Variants in DLG2 observed in about 807,000 individuals in gnomAD.
DLG2 encodes disks large homolog 2.
In DLG2, 45 loss-of-function variants were observed where a neutral mutation model predicts 132.5. The observed-to-expected ratio is 0.34, with a 90% CI of 0.27 to 0.44. DLG2 has a LOEUF of 0.44. DLG2 is among the 20% of genes least tolerant of loss of function. DLG2 has a pLI of 1.00. For synonymous variants in DLG2, 424 were observed against 419.6 expected (o/e 1.01, Z -0.13); for missense variants, 1,045 against 1,196.9 (o/e 0.87, Z 1.87).
chr11:85,342,955 T>A (rs989032221), intron 3 of DLG2, among the ~76,000 whole-genome samples: 1 of 152,222 alleles, frequency 6.6e-6, no homozygotes, highest in African/African-American at 2.4e-5. Context: ...TGCACTTTTT[T>A]TATCTACTAT....
intron 3 of DLG2, among the ~76,000 whole-genome samples, chr11:85,311,542 C>T (rs1356306919): frequency 6.6e-6 from 1 of 152,180 alleles, no homozygotes; most frequent in East Asian, 1.9e-4. Flanking sequence ...ATCCCCTTTA[C>T]ATGATAATCT....
intron 7 of DLG2, among the ~76,000 whole-genome samples, chr11:84,334,204 A>C (rs2098473701): frequency 6.6e-6 from 1 of 152,236 alleles, no homozygotes; most frequent in Admixed American, 6.5e-5. Flanking sequence ...AATCAAATGC[A>C]GTCAGGATAA....
intron 11 of DLG2, among the ~76,000 whole-genome samples, chr11:84,040,066 T>C (rs1418859921): frequency 6.6e-6 from 1 of 151,834 alleles, no homozygotes; most frequent in Non-Finnish European, 1.5e-5. Context: ...TTGATAGGGT[T>C]GTTTGTTTTT....
chr11:83,765,823 C>T (rs536337894), intron 18 of DLG2, among the ~76,000 whole-genome samples: 7 of 152,044 alleles, frequency 4.6e-5, no homozygotes, highest in African/African-American at 1.4e-4. Context: ...CCTTTGTGCA[C>T]CAATGGAAAG....
At chr11:85,537,517 A>AATGAATTGTTATGCTTTT (rs1243570053) in intron 3 of DLG2, among the ~76,000 whole-genome samples, 1 of 150,838 alleles carries the variant, frequency 6.6e-6, no homozygotes, top group African/African-American at 2.5e-5. Flanking sequence ...GGGATGAACA[A>AATGAATTGTTATGCTTTT]CTCCAGACGG....
chr11:84,650,873 GTATATATA>G (rs71274437), intron 6 of DLG2, among the ~76,000 whole-genome samples: 77 of 123,990 alleles, frequency 6.2e-4, no homozygotes, highest in African/African-American at 2.3e-3. Flanking sequence ...GTGTGTGTGT[GTATATATA>G]TATATATATA....
intron 5 of DLG2, among the ~76,000 whole-genome samples, chr11:85,117,154 C>T (rs191360314): frequency 1.2e-4 from 18 of 151,996 alleles, no homozygotes; most frequent in African/African-American, 2.4e-4. Context: ...CAAGACAACC[C>T]TCCATATAGG....
intron 4 of DLG2, among the ~76,000 whole-genome samples, chr11:85,162,277 A>T (rs1378342190): frequency 1.3e-5 from 2 of 152,188 alleles, no homozygotes; most frequent in Non-Finnish European, 2.9e-5. Context: ...CCTGTGATTA[A>T]GGTCAATGGG....
intron 7 of DLG2, among the ~76,000 whole-genome samples, chr11:84,351,295 C>T (rs955248701): frequency 6.6e-6 from 1 of 152,006 alleles, no homozygotes; most frequent in Non-Finnish European, 1.5e-5. Flanking sequence ...GCTCCCCTGA[C>T]TTCATCTGTT....
chr11:84,223,143 G>C (rs1307421578), intron 8 of DLG2, among the ~76,000 whole-genome samples: 1 of 152,134 alleles, frequency 6.6e-6, no homozygotes, highest in African/African-American at 2.4e-5. Flanking sequence ...ATTCAATACT[G>C]AGATGGGATG....
At chr11:85,200,496 T>C (rs1416612505) in intron 4 of DLG2, among the ~76,000 whole-genome samples, 1 of 152,190 alleles carries the variant, frequency 6.6e-6, no homozygotes, top group African/African-American at 2.4e-5. Flanking sequence ...ACCTCCATCC[T>C]ACAGCGGTTC....
At chr11:85,140,597 T>G (rs1227800121) in intron 5 of DLG2, among the ~76,000 whole-genome samples, 3 of 151,666 alleles carry the variant, frequency 2.0e-5, no homozygotes, top group Non-Finnish European at 4.4e-5. Flanking sequence ...CCAATTCCAG[T>G]CTTAGTTTTT....
At chr11:84,649,704 A>G (rs374224500) in intron 6 of DLG2, among the ~76,000 whole-genome samples, 1 of 152,196 alleles carries the variant, frequency 6.6e-6, no homozygotes, top group East Asian at 1.9e-4. Flanking sequence ...GCAGCAAAAT[A>G]GTGAGGTGGT....
At chr11:84,061,801 C>G (rs1280982000) in intron 10 of DLG2, among the ~76,000 whole-genome samples, 1 of 147,014 alleles carries the variant, frequency 6.8e-6, no homozygotes, top group East Asian at 2.0e-4. Flanking sequence ...TTCATCATAA[C>G]AGATGCTATG....
intron 15 of DLG2, among the ~76,000 whole-genome samples, chr11:83,915,185 A>T (rs1315267447): frequency 2.0e-5 from 3 of 152,224 alleles, no homozygotes; most frequent in Non-Finnish European, 2.9e-5. Context: ...ATTTAGAAAC[A>T]AAGAATCTTG....
At chr11:83,520,013 C>A (rs1489704790) in intron 21 of DLG2, among the ~76,000 whole-genome samples, 1 of 152,184 alleles carries the variant, frequency 6.6e-6, no homozygotes, top group African/African-American at 2.4e-5. Flanking sequence ...ATTCTTTGGG[C>A]AGGTGAGCAC....
chr11:84,139,215 C>T (rs1316586470), intron 9 of DLG2, among the ~76,000 whole-genome samples: 1 of 152,068 alleles, frequency 6.6e-6, no homozygotes, highest in African/African-American at 2.4e-5. Context: ...TTCCTATTCA[C>T]AGCATCTTAC....
chr11:85,050,598 T>C (rs1342612699), intron 6 of DLG2, among the ~76,000 whole-genome samples: 4 of 152,160 alleles, frequency 2.6e-5, no homozygotes, highest in Admixed American at 1.3e-4. Flanking sequence ...TTTTGTTCAA[T>C]GTTGGACGAG....
At chr11:83,918,706 C>G (rs987596544) in intron 15 of DLG2, among the ~76,000 whole-genome samples, 15 of 152,176 alleles carry the variant, frequency 9.9e-5, no homozygotes, top group African/African-American at 3.6e-4. Flanking sequence ...AAGTAAAGTC[C>G]CTGCCTGAGG....
Sources: allele counts gnomAD v4.1 joint callset (sites outside exome capture counted in the v4.1 genomes callset), GRCh38; gene constraint gnomAD v4.1.1; transcripts MANE v1.5; gene names NCBI Gene and HGNC (gene_info 2026-07-23, HGNC 2026-07-21).